Variants in KCNIP4 observed in about 807,000 individuals in gnomAD.
KCNIP4 encodes potassium voltage-gated channel interacting protein 4.
In KCNIP4, 12 loss-of-function variants were observed where a neutral mutation model predicts 34.0. The ratio of observed to expected loss-of-function variants is 0.35; its 90% CI spans 0.23 to 0.57. The LOEUF (loss-of-function observed/expected upper bound fraction) is 0.57. KCNIP4 is among the 20% of genes least tolerant of loss of function. The pLI, the probability that KCNIP4 is intolerant of heterozygous loss-of-function variation, is 0.83. For missense variants in KCNIP4, 238 were observed against 311.7 expected (o/e 0.76, Z 1.78); for synonymous variants, 124 against 102.2 (o/e 1.21, Z -1.29).
chr4:21,297,313 A>G (rs528641617), intron 1 of KCNIP4, among the ~76,000 whole-genome samples: 1 of 152,190 alleles, frequency 6.6e-6, no homozygotes, highest in South Asian at 2.1e-4. Flanking sequence ...ACGTATTCAG[A>G]CAAGTCATAG....
At chr4:21,611,095 T>G (rs1161075367) in intron 1 of KCNIP4, among the ~76,000 whole-genome samples, 1 of 152,184 alleles carries the variant, frequency 6.6e-6, no homozygotes, top group Non-Finnish European at 1.5e-5. Flanking sequence ...TTTGTTAGTT[T>G]GCTGAGAATG....
intron 1 of KCNIP4, among the ~76,000 whole-genome samples, chr4:21,081,729 G>T (rs546387203): frequency 6.6e-6 from 1 of 151,736 alleles, no homozygotes; most frequent in Non-Finnish European, 1.5e-5. Flanking sequence ...TGCATTATAT[G>T]CCAAATTAAT....
At chr4:21,153,187 C>T (rs1048123841) in intron 1 of KCNIP4, among the ~76,000 whole-genome samples, 5 of 152,100 alleles carry the variant, frequency 3.3e-5, no homozygotes, top group African/African-American at 1.2e-4. Context: ...GTAAATACAT[C>T]TATAATTTAT....
At chr4:21,153,833 C>T (rs1752946690) in intron 1 of KCNIP4, among the ~76,000 whole-genome samples, 2 of 152,034 alleles carry the variant, frequency 1.3e-5, no homozygotes, top group African/African-American at 4.8e-5. Context: ...CAAAATCACA[C>T]ATCATGAGTT....
At chr4:21,815,141 A>G (rs1259424476) in intron 1 of KCNIP4, among the ~76,000 whole-genome samples, 1 of 152,196 alleles carries the variant, frequency 6.6e-6, no homozygotes, top group African/African-American at 2.4e-5. Flanking sequence ...GGTGGACTCT[A>G]AAACCATCTG....
intron 1 of KCNIP4, among the ~76,000 whole-genome samples, chr4:21,459,903 T>A (rs1729301297): frequency 6.6e-6 from 1 of 151,876 alleles, no homozygotes; most frequent in African/African-American, 2.4e-5. Flanking sequence ...AAGCTTAAAT[T>A]ATTGCAATAT....
At chr4:21,279,526 C>CAT (rs34212856) in intron 1 of KCNIP4, among the ~76,000 whole-genome samples, 2 of 150,060 alleles carry the variant, frequency 1.3e-5, no homozygotes, top group South Asian at 2.1e-4. Context: ...CACACACACA[C>CAT]ATATATATAT....
chr4:21,331,446 T>C (rs917036244), intron 1 of KCNIP4, among the ~76,000 whole-genome samples: 2 of 152,160 alleles, frequency 1.3e-5, no homozygotes, highest in African/African-American at 4.8e-5. Context: ...TGCAAGTATA[T>C]ATTTTGTATC....
chr4:20,788,214 C>G (rs1546065), intron 3 of KCNIP4, among the ~76,000 whole-genome samples: 73,554 of 151,926 alleles, frequency 0.48, 18,124 homozygotes, highest in East Asian at 0.7. Context: ...TTAAGGAACT[C>G]TAAACTACAA....
At position 21,818,018 on chromosome 4, in the gene KCNIP4, T is replaced by C. The variant is rs192983956; in HGVS notation, c.61+130553A>G. ...TTCTGCTTTTTTGGCCTTTGAAGCA[T>C]GTGATCTTTGTACCTACTCCCTGTT... On this transcript the variant is annotated intron_variant, in intron 1 of 8. Coordinates refer to ENST00000382152, the MANE Select transcript of KCNIP4 (RefSeq NM_025221.6). Among the ~76,000 whole-genome samples, 1,282 of 152,244 alleles carry C rather than the reference T, an allele frequency of 8.4e-3. 14 individuals carry two copies. Among genetic ancestry groups the C allele is most frequent in the South Asian group, 0.029 (138 of 4,816 alleles).
chr4:20,876,388 G>A (rs1351282314), intron 2 of KCNIP4, among the ~76,000 whole-genome samples: 1 of 152,098 alleles, frequency 6.6e-6, no homozygotes, highest in East Asian at 1.9e-4. Context: ...AGACTTGACA[G>A]CATTTATTCT....
intron 3 of KCNIP4, among the ~76,000 whole-genome samples, chr4:20,829,951 TC>T (rs1718220392): frequency 1.3e-5 from 2 of 152,122 alleles, no homozygotes; most frequent in African/African-American, 4.8e-5. Flanking sequence ...TCCATAGCTC[TC>T]TTCGGATGTC....
At chr4:21,181,757 T>C (rs1754858959) in intron 1 of KCNIP4, among the ~76,000 whole-genome samples, 1 of 152,156 alleles carries the variant, frequency 6.6e-6, no homozygotes, top group African/African-American at 2.4e-5. Context: ...ACTGCATTCA[T>C]TACATACCAT....
chr4:21,716,157 G>C (rs1714357451), intron 1 of KCNIP4, among the ~76,000 whole-genome samples: 1 of 145,404 alleles, frequency 6.9e-6, no homozygotes, highest in African/African-American at 2.9e-5. Context: ...TTGATGGTCA[G>C]ACAGTTGTCT....
At chr4:21,199,814 G>T (rs1306395949) in intron 1 of KCNIP4, among the ~76,000 whole-genome samples, 4 of 151,728 alleles carry the variant, frequency 2.6e-5, no homozygotes, top group African/African-American at 9.7e-5. Context: ...ATGATAGACT[G>T]GATTAAGAAA....
intron 1 of KCNIP4, among the ~76,000 whole-genome samples, chr4:21,025,993 T>G (rs1039760683): frequency 3.9e-5 from 6 of 152,176 alleles, no homozygotes; most frequent in African/African-American, 1.2e-4. Context: ...GGAACACCGA[T>G]TCTAAGAGAA....
chr4:20,907,970 A>G (rs1727942803), intron 1 of KCNIP4, among the ~76,000 whole-genome samples: 1 of 152,150 alleles, frequency 6.6e-6, no homozygotes, highest in Admixed American at 6.5e-5. Context: ...ATTCTGATAA[A>G]AGAGATTCCT....
chr4:20,731,493 C>G, intron 8 of KCNIP4: 1 of 985,330 alleles, frequency 1.0e-6, no homozygotes, highest in African/African-American at 1.7e-5. Context: ...AAATTTTCCA[C>G]TGTTTATTTT....
intron 1 of KCNIP4, among the ~76,000 whole-genome samples, chr4:21,672,732 C>G (rs910747386): frequency 1.3e-4 from 20 of 152,216 alleles, no homozygotes; most frequent in Non-Finnish European, 2.6e-4. Flanking sequence ...CATATTAAAA[C>G]AGCAAACATT....
Sources: gnomAD v4.1 joint callset for allele counts (sites outside exome capture counted in the v4.1 genomes callset) on GRCh38, gnomAD v4.1.1 for gene constraint, MANE v1.5 for transcripts, NCBI Gene and HGNC (gene_info 2026-07-23, HGNC 2026-07-21) for gene names.